The following HTR1F variants were observed in gnomAD, a reference collection of about 807,000 sequenced individuals.
The protein encoded by HTR1F is 5-hydroxytryptamine receptor 1F, also known as 5-hydroxytryptamine (serotonin) receptor 1F, G protein-coupled.
HTR1F carries 17 observed loss-of-function variants against 24.0 expected under a neutral mutation model. That is an observed-to-expected ratio of 0.71 (90% CI 0.48 to 1.06). The LOEUF (loss-of-function observed/expected upper bound fraction) is 1.06, where lower values mean the gene tolerates loss of function less well. Among genes scored for constraint, HTR1F ranks in the 50% least tolerant of loss-of-function variants. The pLI is 0.00. For synonymous variants in HTR1F, 186 were observed against 156.8 expected (o/e 1.19, Z -1.39); for missense variants, 391 against 427.8 (o/e 0.91, Z 0.76).
At chr3:87,854,338 A>G (rs568087305) in intron 2 of HTR1F, among the ~76,000 whole-genome samples, 1 of 152,112 alleles carries the variant, frequency 6.6e-6, no homozygotes, top group African/African-American at 2.4e-5. Context: ...TTTGAGTTAT[A>G]AGAATCAGAT....
At chr3:87,825,818 G>A (rs1704451325) in intron 2 of HTR1F, among the ~76,000 whole-genome samples, 1 of 152,120 alleles carries the variant, frequency 6.6e-6, no homozygotes, top group Non-Finnish European at 1.5e-5. Context: ...TACCACTTGA[G>A]ACAGGAGATT....
At chr3:87,984,934 A>G (rs1404309583) in intron 2 of HTR1F, among the ~76,000 whole-genome samples, 3 of 152,220 alleles carry the variant, frequency 2.0e-5, no homozygotes, top group Non-Finnish European at 2.9e-5. Context: ...TGTTATAATC[A>G]ACACATGTAG....
chr3:87,850,258 C>T (rs939459378), intron 2 of HTR1F, among the ~76,000 whole-genome samples: 3 of 151,916 alleles, frequency 2.0e-5, no homozygotes, highest in South Asian at 2.1e-4. Context: ...CACATATACA[C>T]CATGGAATAC....
At chr3:87,975,895 T>C (rs1449731145) in intron 2 of HTR1F, among the ~76,000 whole-genome samples, 2 of 152,218 alleles carry the variant, frequency 1.3e-5, no homozygotes, top group Non-Finnish European at 2.9e-5. Context: ...GTAATACCAT[T>C]AATTGAAGAT....
chr3:87,820,338 G>T (rs1256532190), intron 1 of HTR1F, among the ~76,000 whole-genome samples: 14 of 151,510 alleles, frequency 9.2e-5, no homozygotes, highest in African/African-American at 3.1e-4. Flanking sequence ...CACTACGCCC[G>T]GCTAATTTTT....
intron 2 of HTR1F, among the ~76,000 whole-genome samples, chr3:87,955,286 T>C (rs1704919825): frequency 2.0e-5 from 3 of 151,400 alleles, no homozygotes; most frequent in Admixed American, 1.3e-4. Context: ...TTTATGTAAG[T>C]AGTATAATAC....
At chr3:87,848,528 G>A (rs1705000785) in intron 2 of HTR1F, among the ~76,000 whole-genome samples, 1 of 151,586 alleles carries the variant, frequency 6.6e-6, no homozygotes, top group East Asian at 1.9e-4. Context: ...TATATGTCTA[G>A]CATTTGAAAT....
chr3:87,979,029 AG>A (rs1559656101), intron 2 of HTR1F, among the ~76,000 whole-genome samples: 13 of 3,142 alleles, frequency 4.1e-3, no homozygotes, highest in Admixed American at 0.011. Flanking sequence ...GGAGGGAGGG[AG>A]GGAGGGAGGG....
chr3:87,795,456 C>A (rs961283985), intron 1 of HTR1F, among the ~76,000 whole-genome samples: 1 of 152,128 alleles, frequency 6.6e-6, no homozygotes, highest in African/African-American at 2.4e-5. Flanking sequence ...ATGGACATAG[C>A]GATATTTGCA....
chr3:87,987,702 T>C lies in HTR1F; in HGVS notation c.-42-3006T>C, dbSNP rs1200128258. On this transcript the variant is annotated intron_variant, in intron 2 of 2. Coordinates refer to ENST00000319595, the MANE Select transcript of HTR1F (RefSeq NM_001322209.2). ...ATATATTTTATATATATAAAATATATGTATTATATATATGTATTTTATATA... is the reference window on the plus strand; with the variant it reads ...ATATATTTTATATATATAAAATATACGTATTATATATATGTATTTTATATA... Among the ~76,000 whole-genome samples the C allele has an allele frequency of 8.2e-4, 100 of 121,520 alleles. 2 individuals are homozygous for C. Among genetic ancestry groups the C allele is most frequent in the Admixed American group, 1.6e-3 (18 of 11,372 alleles). 79.7% of individuals were successfully genotyped at this position (121,520 alleles called of 152,430 possible).
At chr3:87,904,414 A>G (rs1362642444) in intron 2 of HTR1F, among the ~76,000 whole-genome samples, 1 of 152,148 alleles carries the variant, frequency 6.6e-6, no homozygotes. Context: ...TCTCCAAAAG[A>G]AAAATAGAAG....
At chr3:87,817,837 C>T (rs1844433) in intron 1 of HTR1F, among the ~76,000 whole-genome samples, 8,558 of 152,152 alleles carry the variant, frequency 0.056, 731 homozygotes, top group African/African-American at 0.19. Flanking sequence ...GATGCCACCT[C>T]AGTACTATTG....
chr3:87,974,596 T>A (rs560199005), intron 2 of HTR1F, among the ~76,000 whole-genome samples: 61 of 152,290 alleles, frequency 4.0e-4, no homozygotes, highest in South Asian at 3.7e-3. Context: ...TGCGTTTATC[T>A]CATCATATTG....
At chr3:87,894,265 A>G (rs1706149856) in intron 2 of HTR1F, among the ~76,000 whole-genome samples, 1 of 152,036 alleles carries the variant, frequency 6.6e-6, no homozygotes, top group Admixed American at 6.6e-5. Context: ...CTTACGAGTA[A>G]GAACATACAA....
intron 2 of HTR1F, chr3:87,910,292 C>T (rs982591653): frequency 1.1e-4 from 16 of 151,980 alleles, no homozygotes; most frequent in African/African-American, 3.6e-4. Flanking sequence ...CATGACAAGA[C>T]ACATATGGTT....
intron 1 of HTR1F, among the ~76,000 whole-genome samples, chr3:87,807,555 A>G (rs368390253): frequency 1.3e-5 from 2 of 152,114 alleles, no homozygotes; most frequent in East Asian, 3.9e-4. Context: ...ATATAAGATC[A>G]TATCGTCAGC....
chr3:87,915,235 G>C (rs1376575796), intron 2 of HTR1F, among the ~76,000 whole-genome samples: 1 of 152,120 alleles, frequency 6.6e-6, no homozygotes, highest in Non-Finnish European at 1.5e-5. Flanking sequence ...CTCTGACAGA[G>C]CCTACCCAAA....
chr3:87,826,881 G>A (rs901624528), intron 2 of HTR1F, among the ~76,000 whole-genome samples: 1 of 151,982 alleles, frequency 6.6e-6, no homozygotes, highest in African/African-American at 2.4e-5. Flanking sequence ...TGTGCTCTTG[G>A]ATCACTGCAA....
intron 2 of HTR1F, among the ~76,000 whole-genome samples, chr3:87,933,243 TATC>T (rs1559638178): frequency 6.6e-6 from 1 of 151,686 alleles, no homozygotes; most frequent in Non-Finnish European, 1.5e-5. Flanking sequence ...CCACAGCCAA[TATC>T]ATACTGAATG....
Sources: gnomAD v4.1 joint callset for allele counts (sites outside exome capture counted in the v4.1 genomes callset) on GRCh38, gnomAD v4.1.1 for gene constraint, MANE v1.5 for transcripts, NCBI Gene and HGNC (gene_info 2026-07-23, HGNC 2026-07-21) for gene names.